NFIA: variants seen among roughly 807,000 people sequenced by gnomAD.
NFIA encodes the protein nuclear factor I A, also known as nuclear factor 1 A-type.
A neutral mutation model predicts 62.8 loss-of-function variants in NFIA; 8 were observed. The ratio of observed to expected loss-of-function variants is 0.13; its 90% CI spans 0.07 to 0.23. The LOEUF (loss-of-function observed/expected upper bound fraction) is 0.23. Ranked by LOEUF, NFIA falls within the 10% of genes least tolerant of loss-of-function variation. The pLI is 1.00. For synonymous variants in NFIA, 235 were observed against 238.1 expected, an observed-to-expected ratio of 0.99 and a Z score of 0.12; for missense variants, 410 against 642.1, an observed-to-expected ratio of 0.64 and a Z score of 3.91.
At chr1:61,094,123 T>C (rs907709978) in intron 2 of NFIA, among the ~76,000 whole-genome samples, 2 of 152,250 alleles carry the variant, frequency 1.3e-5, no homozygotes, top group African/African-American at 4.8e-5. Context: ...TCAGTGAATG[T>C]GCTAAACACT....
At chr1:61,347,165 C>CT (rs869046737) in intron 4 of NFIA, among the ~76,000 whole-genome samples, 893 of 70,126 alleles carry the variant, frequency 0.013, 151 homozygotes, top group African/African-American at 0.045. Flanking sequence ...CTGGATCCCA[C>CT]TTTTTTTTTT....
At chr1:61,377,807 A>G (rs539533872) in intron 6 of NFIA, among the ~76,000 whole-genome samples, 311 of 152,332 alleles carry the variant, frequency 2.0e-3, no homozygotes, top group Non-Finnish European at 3.1e-3. Flanking sequence ...TACCAGGGAT[A>G]CTTTTAACAG....
rs868371693 is a variant in NFIA at position 61,082,780 on chromosome 1, C to A, written c.-12C>A. 4 of 1,552,778 alleles carry A rather than the reference C, an allele frequency of 2.6e-6. No homozygotes were observed. Among genetic ancestry groups the A allele is most frequent in the Non-Finnish European group, 2.6e-6 (3 of 1,147,692 alleles). On this transcript the variant is annotated 5_prime_UTR_variant, in exon 1 of 11. Coordinates refer to ENST00000403491, the MANE Select transcript of NFIA (RefSeq NM_001134673.4). ...ACCCAGACGCACACGCATACCCCAGCGCCCGGCAGTTATGTATTCTCCGCT... is the reference window on the plus strand; with the variant it reads ...ACCCAGACGCACACGCATACCCCAGAGCCCGGCAGTTATGTATTCTCCGCT...
intron 2 of NFIA, among the ~76,000 whole-genome samples, chr1:61,220,412 TAAACTC>T (rs764209899): frequency 1.2e-4 from 18 of 152,340 alleles, no homozygotes; most frequent in Middle Eastern, 3.4e-3. Context: ...ATAACATACT[TAAACTC>T]AATAGCAATT....
At position 61,456,913 on chromosome 1, in the gene NFIA, C is replaced by T. The variant is rs1010708466; in HGVS notation, c.*1593C>T. ...GCGAAGCACCCCTTTGCTTCCCATG[C>T]GACTTCAAGAAGGTTTCCTATACTA... On this transcript the variant is annotated 3_prime_UTR_variant, in exon 11 of 11. Coordinates refer to ENST00000403491, the MANE Select transcript of NFIA (RefSeq NM_001134673.4). 4 of 151,810 alleles carry T rather than the reference C, an allele frequency of 2.6e-5. No homozygotes were observed. Among genetic ancestry groups the T allele is most frequent in the Non-Finnish European group, 4.4e-5 (3 of 67,966 alleles). The allele number at this position is 151,810 out of a possible 1,614,324, so 9.4% of individuals were successfully genotyped here. A position where few individuals can be genotyped will look rare whatever the true frequency, so the allele number is the denominator to read the frequency against.
At chr1:61,398,612 C>T (rs1000458526) in intron 7 of NFIA, among the ~76,000 whole-genome samples, 2 of 152,168 alleles carry the variant, frequency 1.3e-5, no homozygotes, top group East Asian at 1.9e-4. Flanking sequence ...CGTGCATCTT[C>T]GTGATGTTAA....
At chr1:61,412,244 A>G (rs538995284) in intron 9 of NFIA, among the ~76,000 whole-genome samples, 5 of 152,212 alleles carry the variant, frequency 3.3e-5, no homozygotes, top group Non-Finnish European at 7.3e-5. Context: ...TGGAGATTAC[A>G]TTTTAGTGGA....
chr1:61,441,104 G>A (rs1667552462), intron 10 of NFIA, among the ~76,000 whole-genome samples: 1 of 152,216 alleles, frequency 6.6e-6, no homozygotes, highest in African/African-American at 2.4e-5. Context: ...CCTGTTATGA[G>A]TGAAGGAAGG....
chr1:61,331,549 G>A (rs923766944), intron 3 of NFIA, among the ~76,000 whole-genome samples: 9 of 151,990 alleles, frequency 5.9e-5, no homozygotes, highest in African/African-American at 1.7e-4. Context: ...TTATGTCAAA[G>A]AACAATTATT....
chr1:61,240,539 A>G (rs1002161154), intron 2 of NFIA, among the ~76,000 whole-genome samples: 1 of 151,954 alleles, frequency 6.6e-6, no homozygotes, highest in African/African-American at 2.4e-5. Context: ...TTTAATCGTA[A>G]ATATTCCCCC....
intron 2 of NFIA, among the ~76,000 whole-genome samples, chr1:61,173,634 C>T (rs1324765305): frequency 6.6e-6 from 1 of 152,184 alleles, no homozygotes; most frequent in Non-Finnish European, 1.5e-5. Context: ...AAGTGATCCA[C>T]CTGCCTCGGC....
At chr1:61,255,111 G>A (rs1040192001) in intron 2 of NFIA, among the ~76,000 whole-genome samples, 3 of 152,154 alleles carry the variant, frequency 2.0e-5, no homozygotes, top group African/African-American at 4.8e-5. Flanking sequence ...TTTCCTGGGA[G>A]GTCGCCAGAA....
chr1:61,332,429 A>T, intron 3 of NFIA, 83 bp from the exon 4 acceptor site: 1 of 1,308,844 alleles, frequency 7.6e-7, no homozygotes, highest in Non-Finnish European at 1.1e-6. Flanking sequence ...TGTGTTAATC[A>T]TAATGAAACT....
In NFIA at chr1:61,253,093, T is replaced by C. The variant is rs578146710; in HGVS notation, c.560-24427T>C. On this transcript the variant is annotated intron_variant, in intron 2 of 10. Transcript: ENST00000403491. ...CAGTCCAGCCATGTTCCAAATGCTC[T>C]GAGTATAGGCACTGGCTGGTAAGCT... is the stretch of plus-strand genomic sequence containing the variant. Among the ~76,000 whole-genome samples, 3 of 152,334 alleles carry C rather than the reference T, an allele frequency of 2.0e-5. No homozygotes were observed. The East Asian group carries it at 5.8e-4, about 29-fold the overall frequency.
chr1:61,405,229 G>A (rs1337452141), intron 8 of NFIA, among the ~76,000 whole-genome samples: 1 of 152,188 alleles, frequency 6.6e-6, no homozygotes, highest in Admixed American at 6.5e-5. Flanking sequence ...TGTGTTAGCA[G>A]ATACATTTCT....
At chr1:61,340,546 G>A (rs1661843055) in intron 4 of NFIA, among the ~76,000 whole-genome samples, 1 of 152,188 alleles carries the variant, frequency 6.6e-6, no homozygotes, top group African/African-American at 2.4e-5. Flanking sequence ...AGTGTAATGA[G>A]GGTTAAGTGA....
rs58845526 is a variant in NFIA, at chr1:61,319,790, A to AACACACACACACACACAC, written c.626-12693_626-12676dup. On this transcript the variant is annotated intron_variant, in intron 3 of 10. Transcript: ENST00000403491. ...CAATGATTTCTTCCTGGAAGAATTA[A>AACACACACACACACACAC]ACACACACACACACACACACACACA... Among the ~76,000 whole-genome samples, 868 of 139,548 alleles carry AACACACACACACACACAC rather than the reference A, an allele frequency of 6.2e-3. 11 individuals are homozygous for AACACACACACACACACAC. The highest frequency in any genetic ancestry group is 0.023 in the African/African-American group (807 of 35,526). 91.5% of individuals were successfully genotyped at this position (139,548 alleles called of 152,430 possible). A position where few individuals can be genotyped will look rare whatever the true frequency, so the allele number is the denominator to read the frequency against.
intron 4 of NFIA, among the ~76,000 whole-genome samples, chr1:61,344,755 C>T (rs67885818): frequency 0.096 from 14,605 of 152,230 alleles, 840 homozygotes; most frequent in Middle Eastern, 0.17. Context: ...CTAGTCATTT[C>T]GTTAATGCTC....
chr1:61,450,030 A>G (rs1667990556), intron 10 of NFIA, among the ~76,000 whole-genome samples: 1 of 152,226 alleles, frequency 6.6e-6, no homozygotes, highest in Non-Finnish European at 1.5e-5. Flanking sequence ...GACACTGGAT[A>G]CTGGGCATCG....
Sources: allele counts gnomAD v4.1 joint callset (sites outside exome capture counted in the v4.1 genomes callset), GRCh38; gene constraint gnomAD v4.1.1; transcripts MANE v1.5; gene names NCBI Gene and HGNC (gene_info 2026-07-23, HGNC 2026-07-21).